The following BLTP1 variants were observed in gnomAD, a reference collection of about 807,000 sequenced individuals.
BLTP1 encodes bridge-like lipid transfer protein family member 1.
At chr4:122,302,562 A>G in the BLTP1 span, among the ~76,000 whole-genome samples, 1 of 152,222 alleles carries the variant, frequency 6.6e-6, no homozygotes, top group Non-Finnish European at 1.5e-5. Context: ...AAATCGTTAA[A>G]TGTTGTTGCA....
the BLTP1 span, chr4:122,230,255 GA>G: frequency 1.2e-5 from 18 of 1,510,586 alleles, no homozygotes; most frequent in Non-Finnish European, 1.5e-5. Flanking sequence ...CTGTTCAGAT[GA>G]AAAAAACTAG....
At chr4:122,224,404 T>C in the BLTP1 span, 2 of 1,272,902 alleles carry the variant, frequency 1.6e-6, no homozygotes, top group Non-Finnish European at 2.1e-6. Context: ...CATGAGTTTA[T>C]TGTTCATCTC....
At chr4:122,229,770 T>A in the BLTP1 span, 1 of 955,798 alleles carries the variant, frequency 1.0e-6, no homozygotes, top group Non-Finnish European at 1.2e-6. Flanking sequence ...TCCCTTCTTG[T>A]CCCTTTCCCA....
the BLTP1 span, chr4:122,271,576 G>A: frequency 6.2e-7 from 1 of 1,613,428 alleles, no homozygotes; most frequent in Non-Finnish European, 8.5e-7. Flanking sequence ...CTATTCATAT[G>A]GATGACTCTG....
chr4:122,337,101 T>C, the BLTP1 span: 1 of 1,305,266 alleles, frequency 7.7e-7, no homozygotes, highest in Non-Finnish European at 1.1e-6. Context: ...ACATTATTAC[T>C]GTTTAAAAGT....
the BLTP1 span, chr4:122,226,188 T>C: frequency 6.4e-6 from 1 of 156,412 alleles, no homozygotes; most frequent in Non-Finnish European, 1.4e-5. Flanking sequence ...AGGGTGTTTT[T>C]TTTTTTTAAA....
chr4:122,310,128 AAATT>A, the BLTP1 span, among the ~76,000 whole-genome samples: 1 of 152,132 alleles, frequency 6.6e-6, no homozygotes, highest in Admixed American at 6.6e-5. Context: ...CTTGTAAACT[AAATT>A]ACTTACTTTT....
At chr4:122,350,155 C>A in the BLTP1 span, 3 of 1,481,090 alleles carry the variant, frequency 2.0e-6, no homozygotes, top group Non-Finnish European at 2.7e-6. Context: ...TAATAATAAT[C>A]TGTATGCCCC....
At chr4:122,301,274 T>A in the BLTP1 span, 11 of 1,517,756 alleles carry the variant, frequency 7.2e-6, no homozygotes, top group Admixed American at 7.0e-5. Context: ...AAAAAAAAAA[T>A]TGTCCCGAAC....
At chr4:122,247,578 A>G in the BLTP1 span, 1 of 1,105,490 alleles carries the variant, frequency 9.0e-7, no homozygotes, top group South Asian at 1.9e-5. Flanking sequence ...ATTAAGTGGT[A>G]TGGCCCCAAA....
chr4:122,252,050 C>T, the BLTP1 span, among the ~76,000 whole-genome samples: 6 of 152,124 alleles, frequency 3.9e-5, no homozygotes, highest in Non-Finnish European at 8.8e-5. Context: ...CACCCTAGGC[C>T]AGAAGGGAAC....
chr4:122,185,899 A>G, the BLTP1 span: 2 of 596,148 alleles, frequency 3.4e-6, no homozygotes, highest in African/African-American at 3.9e-5. Flanking sequence ...TATTTATTTT[A>G]TTAATATGCT....
At chr4:122,207,141 T>C in the BLTP1 span, 1 of 1,607,142 alleles carries the variant, frequency 6.2e-7, no homozygotes, top group Non-Finnish European at 8.5e-7. Context: ...GTGACAGTCC[T>C]CCAGACATTT....
At chr4:122,335,152 T>C in the BLTP1 span, among the ~76,000 whole-genome samples, 1 of 151,998 alleles carries the variant, frequency 6.6e-6, no homozygotes, top group Non-Finnish European at 1.5e-5. Flanking sequence ...TCCCTTCCTC[T>C]CATGTGGGCT....
the BLTP1 span, among the ~76,000 whole-genome samples, chr4:122,215,079 A>G: frequency 1.3e-5 from 2 of 152,240 alleles, no homozygotes; most frequent in African/African-American, 4.8e-5. Context: ...CTACAAATGT[A>G]TTAACTCATG....
At chr4:122,332,441 T>C in the BLTP1 span, among the ~76,000 whole-genome samples, 2 of 151,936 alleles carry the variant, frequency 1.3e-5, no homozygotes, top group Non-Finnish European at 2.9e-5. Flanking sequence ...CAACCTAATA[T>C]ATTCAAATGA....
chr4:122,199,955 G>T, the BLTP1 span: 2 of 973,016 alleles, frequency 2.1e-6, no homozygotes, highest in Non-Finnish European at 2.4e-6. Flanking sequence ...GCTGATTGGG[G>T]ACTCATTAAT....
chr4:122,261,378 G>GT, the BLTP1 span: 1 of 984,902 alleles, frequency 1.0e-6, no homozygotes, highest in Non-Finnish European at 1.2e-6. Context: ...GGTTATTAAA[G>GT]TCCTCTAAAA....
At chr4:122,185,011 A>G in the BLTP1 span, 20 of 984,932 alleles carry the variant, frequency 2.0e-5, no homozygotes, top group Non-Finnish European at 2.4e-5. Context: ...GGGAAAAGCT[A>G]TGTGGGGCAA....
Sources: allele counts gnomAD v4.1 joint callset (sites outside exome capture counted in the v4.1 genomes callset), GRCh38; gene constraint gnomAD v4.1.1; transcripts MANE v1.5; gene names NCBI Gene and HGNC (gene_info 2026-07-23, HGNC 2026-07-21).